ZNF438: variants seen among roughly 807,000 people sequenced by gnomAD.
ZNF438 encodes the protein zinc finger protein 438.
ZNF438 carries 25 observed loss-of-function variants against 38.0 expected under a neutral mutation model. That is an observed-to-expected ratio of 0.66 (90% confidence interval 0.48 to 0.92). ZNF438 has a LOEUF of 0.92. Ranked by LOEUF, ZNF438 falls within the 40% of genes least tolerant of loss-of-function variation. The pLI, the probability that ZNF438 is intolerant of heterozygous loss-of-function variation, is 0.00. For missense variants in ZNF438, 1,007 were observed against 999.6 expected (o/e 1.01, Z -0.10); for synonymous variants, 372 against 364.1 (o/e 1.02, Z -0.25).
At chr10:30,942,053 C>T (rs1270883554) in intron 1 of ZNF438, among the ~76,000 whole-genome samples, 1 of 152,062 alleles carries the variant, frequency 6.6e-6, no homozygotes, top group Non-Finnish European at 1.5e-5. Context: ...CAATAACAGG[C>T]AAACATGAAA....
At chr10:30,873,422 A>G (rs149942599) in intron 4 of ZNF438, among the ~76,000 whole-genome samples, 55 of 152,330 alleles carry the variant, frequency 3.6e-4, no homozygotes, top group Non-Finnish European at 6.2e-4. Flanking sequence ...AGAATTTCAA[A>G]TTTGTTTTCT....
At chr10:30,850,682 C>A (rs1417960090) in intron 4 of ZNF438, among the ~76,000 whole-genome samples, 2 of 152,210 alleles carry the variant, frequency 1.3e-5, no homozygotes, top group Admixed American at 1.3e-4. Context: ...TCCTTCTCAT[C>A]CATGTATTCT....
chr10:30,959,794 T>C (rs1171597227), intron 1 of ZNF438, among the ~76,000 whole-genome samples: 1 of 146,562 alleles, frequency 6.8e-6, no homozygotes, highest in Admixed American at 6.9e-5. Context: ...ATTCATTCTG[T>C]CTCTCTGGAG....
At chr10:30,994,016 T>A (rs1296812357) in intron 1 of ZNF438, among the ~76,000 whole-genome samples, 1 of 152,276 alleles carries the variant, frequency 6.6e-6, no homozygotes, top group Admixed American at 6.5e-5. Flanking sequence ...GGAATGGCAA[T>A]GTCTGTCCTA....
At chr10:30,922,130 G>C (rs2044366354) in intron 2 of ZNF438, among the ~76,000 whole-genome samples, 1 of 152,104 alleles carries the variant, frequency 6.6e-6, no homozygotes, top group Admixed American at 6.5e-5. Context: ...TACACAGTGA[G>C]GACATTTTAC....
intron 1 of ZNF438, among the ~76,000 whole-genome samples, chr10:30,995,022 G>A (rs2053901550): frequency 6.9e-6 from 1 of 145,642 alleles, no homozygotes. Context: ...GTGAGAGAGT[G>A]AGACCCTATC....
At chr10:30,928,653 T>C (rs945445377) in intron 2 of ZNF438, among the ~76,000 whole-genome samples, 14 of 152,234 alleles carry the variant, frequency 9.2e-5, no homozygotes, top group African/African-American at 2.9e-4. Flanking sequence ...AAAGCACTTT[T>C]TTTTTGACAT....
intron 1 of ZNF438, among the ~76,000 whole-genome samples, chr10:30,961,232 T>G (rs1421725809): frequency 8.7e-6 from 1 of 114,648 alleles, no homozygotes; most frequent in Non-Finnish European, 2.0e-5. Context: ...AAACTTAGAG[T>G]ATAATAAATA....
intron 1 of ZNF438, among the ~76,000 whole-genome samples, chr10:30,998,500 G>A (rs1001317032): frequency 1.7e-5 from 2 of 120,532 alleles, no homozygotes; most frequent in South Asian, 2.9e-4. Flanking sequence ...CCGAGATCAC[G>A]CCCCTGCACT....
At chr10:30,989,050 A>G (rs1377328265) in intron 1 of ZNF438, among the ~76,000 whole-genome samples, 1 of 152,236 alleles carries the variant, frequency 6.6e-6, no homozygotes, top group Non-Finnish European at 1.5e-5. Context: ...GCAAGTCTAC[A>G]TCAAGATGGT....
At chr10:30,869,375 A>T (rs1397929673) in intron 4 of ZNF438, among the ~76,000 whole-genome samples, 1 of 127,268 alleles carries the variant, frequency 7.9e-6, no homozygotes, top group Non-Finnish European at 1.7e-5. Context: ...ACTCCGTCTC[A>T]AAAACAAAAC....
At chr10:30,965,579 TA>T (rs1226957257) in intron 1 of ZNF438, among the ~76,000 whole-genome samples, 2 of 152,074 alleles carry the variant, frequency 1.3e-5, no homozygotes, top group African/African-American at 4.8e-5. Flanking sequence ...TATGTAGCCA[TA>T]AAAAAATAAA....
intron 3 of ZNF438, among the ~76,000 whole-genome samples, chr10:30,901,971 T>C (rs763819669): frequency 6.6e-6 from 1 of 152,148 alleles, no homozygotes; most frequent in Admixed American, 6.5e-5. Flanking sequence ...TAGTTTCTCC[T>C]GGTGGGTTCG....
intron 1 of ZNF438, among the ~76,000 whole-genome samples, chr10:30,989,491 T>G (rs1310110315): frequency 6.6e-6 from 1 of 152,196 alleles, no homozygotes; most frequent in Non-Finnish European, 1.5e-5. Context: ...ACCCTGACCC[T>G]TAGCTTTCAG....
chr10:30,908,997 C>T (rs1190226851), exon 3 of ZNF438: 3 of 152,056 alleles, frequency 2.0e-5, no homozygotes, highest in Non-Finnish European at 2.9e-5. Flanking sequence ...ATAAGATGTG[C>T]GTACTTTCTT....
rs553607441 is a variant in ZNF438 at position 30,857,921 on chromosome 10, G to A, written c.38-7554C>T. On this transcript the variant is annotated intron_variant, in intron 4 of 5. Coordinates refer to ENST00000413025, the Ensembl canonical transcript of ZNF438. Reference sequence around the variant, plus strand: ...ATAGTATTAAGAGACAAGCACATGAGGCAATTCTCTAGATAGCTACAAACA... The same window carrying A: ...ATAGTATTAAGAGACAAGCACATGAAGCAATTCTCTAGATAGCTACAAACA... The A allele has an allele frequency of 7.5e-5, 31 of 412,624 alleles. 1 individual carries two copies. In the Admixed American group the frequency reaches 1.0e-3, roughly 14 times the overall value. 25.6% of individuals were successfully genotyped at this position (412,624 alleles called of 1,614,324 possible). A position where few individuals can be genotyped will look rare whatever the true frequency, so the allele number is the denominator to read the frequency against.
chr10:31,022,538 G>A (rs1370883375), intron 1 of ZNF438, among the ~76,000 whole-genome samples: 7 of 152,158 alleles, frequency 4.6e-5, no homozygotes, highest in African/African-American at 1.4e-4. Context: ...TGGGATTACA[G>A]GCGTGAGCCA....
chr10:30,967,390 C>G (rs928241401), intron 1 of ZNF438, among the ~76,000 whole-genome samples: 2 of 152,128 alleles, frequency 1.3e-5, no homozygotes, highest in Admixed American at 1.3e-4. Context: ...TGCTTTGCAT[C>G]TGAGGCAACT....
intron 1 of ZNF438, among the ~76,000 whole-genome samples, chr10:30,975,795 T>C (rs1291507087): frequency 6.6e-6 from 1 of 152,152 alleles, no homozygotes; most frequent in Non-Finnish European, 1.5e-5. Flanking sequence ...TTCCTTTTGA[T>C]AAATACTTGA....
Sources: allele counts gnomAD v4.1 joint callset (sites outside exome capture counted in the v4.1 genomes callset), GRCh38; gene constraint gnomAD v4.1.1; transcripts MANE v1.5; gene names NCBI Gene and HGNC (gene_info 2026-07-23, HGNC 2026-07-21).